Variants in PPARGC1A observed in about 807,000 individuals in gnomAD.
PPARGC1A encodes the protein PPARG coactivator 1 alpha, also known as peroxisome proliferator-activated receptor gamma coactivator 1-alpha.
Under a neutral mutation model 88.7 loss-of-function variants are expected in PPARGC1A, and 25 were observed. The observed-to-expected ratio is 0.28, with a 90% confidence interval of 0.21 to 0.39. PPARGC1A has a LOEUF of 0.39. PPARGC1A is among the 10% of genes least tolerant of loss of function. The probability of loss-of-function intolerance (pLI) is 1.00; values close to 1 mark genes in which losing one functional copy is unlikely to be tolerated. For missense variants in PPARGC1A, 880 were observed against 968.7 expected (o/e 0.91, Z 1.22); for synonymous variants, 363 against 355.6 (o/e 1.02, Z -0.24).
chr4:23,958,497 G>A, the PPARGC1A span, among the ~76,000 whole-genome samples: 8 of 152,028 alleles, frequency 5.3e-5, no homozygotes, highest in Non-Finnish European at 8.8e-5. Context: ...CTAAAACTCT[G>A]CTTTATTTTA....
At chr4:24,059,091 G>C in the PPARGC1A span, among the ~76,000 whole-genome samples, 3 of 152,130 alleles carry the variant, frequency 2.0e-5, no homozygotes, top group Non-Finnish European at 2.9e-5. Flanking sequence ...TCCCTCAAGC[G>C]CATTTCCGTG....
chr4:23,816,951 G>C (rs2109505382), intron 7 of PPARGC1A, among the ~76,000 whole-genome samples: 1 of 152,188 alleles, frequency 6.6e-6, no homozygotes, highest in East Asian at 1.9e-4. Flanking sequence ...CTTTAGTCGT[G>C]GGTCTCACAT....
At chr4:24,062,016 C>T in the PPARGC1A span, among the ~76,000 whole-genome samples, 16 of 152,282 alleles carry the variant, frequency 1.1e-4, no homozygotes, top group Admixed American at 6.5e-4. Context: ...ACACACAGGA[C>T]CCAGAACCCA....
chr4:24,289,667 A>G, the PPARGC1A span, among the ~76,000 whole-genome samples: 6 of 152,114 alleles, frequency 3.9e-5, no homozygotes, highest in African/African-American at 1.4e-4. Flanking sequence ...TATTTGTACT[A>G]CTTGGGGAGA....
chr4:23,844,395 ATTAT>A (rs1003698543), intron 2 of PPARGC1A, among the ~76,000 whole-genome samples: 1 of 131,566 alleles, frequency 7.6e-6, no homozygotes, highest in African/African-American at 2.9e-5. Context: ...GACAATCTAT[ATTAT>A]TTATCATATA....
At chr4:24,231,274 G>A in the PPARGC1A span, among the ~76,000 whole-genome samples, 1,525 of 152,276 alleles carry the variant, frequency 0.01, 13 homozygotes, top group Non-Finnish European at 0.018. Context: ...GAAGAGACGC[G>A]GTAGTTGGGA....
the PPARGC1A span, among the ~76,000 whole-genome samples, chr4:24,194,099 AGCC>A: frequency 6.8e-6 from 1 of 147,186 alleles, no homozygotes; most frequent in Non-Finnish European, 1.5e-5. Context: ...ATTGCACTCC[AGCC>A]TGGGCGACAG....
chr4:24,197,554 G>A, the PPARGC1A span, among the ~76,000 whole-genome samples: 1 of 152,130 alleles, frequency 6.6e-6, no homozygotes, highest in African/African-American at 2.4e-5. Context: ...TTCCCTGTAT[G>A]GCTAGGCCCT....
At chr4:24,197,013 T>C in the PPARGC1A span, among the ~76,000 whole-genome samples, 1 of 152,214 alleles carries the variant, frequency 6.6e-6, no homozygotes, top group Non-Finnish European at 1.5e-5. Context: ...TGTCAGTGGT[T>C]CCATAAAAAA....
the PPARGC1A span, among the ~76,000 whole-genome samples, chr4:24,434,083 T>C: frequency 2.0e-5 from 3 of 152,174 alleles, no homozygotes; most frequent in Non-Finnish European, 2.9e-5. Context: ...TGCAGGGTAC[T>C]GATTAGAACT....
the PPARGC1A span, among the ~76,000 whole-genome samples, chr4:24,348,488 C>CT: frequency 6.6e-6 from 1 of 152,102 alleles, no homozygotes; most frequent in Non-Finnish European, 1.5e-5. Context: ...TTCTTGGAGG[C>CT]TTTGTTCATA....
the PPARGC1A span, among the ~76,000 whole-genome samples, chr4:24,155,391 G>A: frequency 6.6e-6 from 1 of 151,786 alleles, no homozygotes; most frequent in African/African-American, 2.4e-5. Flanking sequence ...GGGAGGCCGA[G>A]GTGGGTGAAC....
the PPARGC1A span, among the ~76,000 whole-genome samples, chr4:24,388,510 C>T: frequency 4.1e-4 from 63 of 152,250 alleles, no homozygotes; most frequent in East Asian, 6.0e-3. Context: ...ACTATAAAGA[C>T]ACATGCACAT....
chr4:23,989,114 C>T, the PPARGC1A span, among the ~76,000 whole-genome samples: 1 of 151,562 alleles, frequency 6.6e-6, no homozygotes, highest in African/African-American at 2.4e-5. Context: ...GAAAGGTTGC[C>T]TGCAAGTATA....
chr4:23,797,921 C>A (rs1186319481), intron 12 of PPARGC1A, among the ~76,000 whole-genome samples: 1 of 152,012 alleles, frequency 6.6e-6, no homozygotes, highest in African/African-American at 2.4e-5. Context: ...ATGGCCGGTT[C>A]CTGCCTTAAC....
the PPARGC1A span, among the ~76,000 whole-genome samples, chr4:24,170,719 C>T: frequency 6.6e-6 from 1 of 152,236 alleles, no homozygotes; most frequent in East Asian, 1.9e-4. Context: ...AATCATGGTG[C>T]CATCACAGTT....
chr4:24,091,928 T>TACACACACACACACACACACAC, the PPARGC1A span, among the ~76,000 whole-genome samples: 304 of 147,830 alleles, frequency 2.1e-3, 2 homozygotes, highest in African/African-American at 6.9e-3. Context: ...CTTGCCCCAA[T>TACACACACACACACACACACAC]ACACACACAC....
the PPARGC1A span, among the ~76,000 whole-genome samples, chr4:24,009,634 T>C: frequency 1.3e-5 from 2 of 152,144 alleles, no homozygotes; most frequent in Middle Eastern, 3.2e-3. Context: ...AAAACACAAG[T>C]TATGGTGAAG....
At chr4:23,877,537 CAAAAAAAA>C (rs11354781) in intron 2 of PPARGC1A, among the ~76,000 whole-genome samples, 4 of 49,868 alleles carry the variant, frequency 8.0e-5, no homozygotes, top group African/African-American at 2.9e-4. Context: ...GACTCCATCT[CAAAAAAAA>C]AAAAAAAAAA....
Sources: allele counts gnomAD v4.1 joint callset (sites outside exome capture counted in the v4.1 genomes callset), GRCh38; gene constraint gnomAD v4.1.1; transcripts MANE v1.5; gene names NCBI Gene and HGNC (gene_info 2026-07-23, HGNC 2026-07-21).